The following ZNF385D variants were observed in gnomAD, a reference collection of about 807,000 sequenced individuals.
The protein encoded by ZNF385D is zinc finger protein 385D.
A neutral mutation model predicts 35.8 loss-of-function variants in ZNF385D; 15 were observed. That is an observed-to-expected ratio of 0.42 (90% confidence interval 0.28 to 0.64). ZNF385D has a LOEUF of 0.64. Among genes scored for constraint, ZNF385D ranks in the 30% least tolerant of loss-of-function variants. The pLI is 0.23. For missense variants in ZNF385D, 474 were observed against 494.6 expected, an observed-to-expected ratio of 0.96 and a Z score of 0.39; for synonymous variants, 212 against 186.8, an observed-to-expected ratio of 1.13 and a Z score of -1.10.
intron 3 of ZNF385D, among the ~76,000 whole-genome samples, chr3:22,048,807 T>C (rs1443103224): frequency 2.6e-5 from 4 of 152,182 alleles, no homozygotes; most frequent in African/African-American, 9.7e-5. Flanking sequence ...TTGATAGTGA[T>C]TGCATGGAAT....
In ZNF385D at chr3:21,982,158, G is replaced by A. The variant is rs1694498697; in HGVS notation, c.325+186659C>T. Reference sequence around the variant, plus strand: ...AGTAGCCCTGAATTTGTAAATTGCTGTGGGCAGTATAGCCATTTTAATTAT... The same window carrying A: ...AGTAGCCCTGAATTTGTAAATTGCTATGGGCAGTATAGCCATTTTAATTAT... On this transcript the variant is annotated intron_variant, in intron 3 of 5. Transcript: ENST00000494108. Among the ~76,000 whole-genome samples, 4 of 148,608 alleles carry A rather than the reference G, an allele frequency of 2.7e-5. No homozygotes were observed. The South Asian group carries it at 8.5e-4, about 31-fold the overall frequency.
intron 3 of ZNF385D, among the ~76,000 whole-genome samples, chr3:21,854,735 G>C (rs1696610918): frequency 6.6e-6 from 1 of 151,806 alleles, no homozygotes; most frequent in South Asian, 2.1e-4. Flanking sequence ...CCCAGGGTCT[G>C]TCATAACTTT....
At chr3:21,719,305 T>A (rs1373418704) in intron 1 of ZNF385D, among the ~76,000 whole-genome samples, 1 of 152,114 alleles carries the variant, frequency 6.6e-6, no homozygotes, top group Non-Finnish European at 1.5e-5. Context: ...GTAAGAAGTG[T>A]CATATTGTTA....
At chr3:22,024,848 C>G (rs191834430) in intron 3 of ZNF385D, among the ~76,000 whole-genome samples, 1 of 152,160 alleles carries the variant, frequency 6.6e-6, no homozygotes, top group Non-Finnish European at 1.5e-5. Context: ...CTCAGGGATT[C>G]TGTCTCCCAG....
At chr3:21,997,867 G>A (rs1439625364) in intron 3 of ZNF385D, among the ~76,000 whole-genome samples, 2 of 46,432 alleles carry the variant, frequency 4.3e-5, no homozygotes, top group Admixed American at 1.7e-4. Context: ...GCGCGCGCGC[G>A]CGCGCGTGTG....
chr3:21,788,200 C>T lies in ZNF385D; in HGVS notation c.326-123172G>A, dbSNP rs550377123. 3.1e-3 allele frequency among the ~76,000 whole-genome samples: 477 copies of T among 152,218 alleles called. 2 individuals carry two copies. The highest frequency in any genetic ancestry group is 4.2e-3 in the Non-Finnish European group (289 of 68,002). On this transcript the variant is annotated intron_variant, in intron 3 of 5. Transcript: ENST00000494108. Reference sequence around the variant, plus strand: ...GAAATAGAAAGATAGTAAGATGGGGCGGGCGCAGTGGCTCACGCCTGTTAT... The same window carrying T: ...GAAATAGAAAGATAGTAAGATGGGGTGGGCGCAGTGGCTCACGCCTGTTAT...
chr3:21,693,621 A>G (rs981807674), intron 1 of ZNF385D, among the ~76,000 whole-genome samples: 2 of 152,172 alleles, frequency 1.3e-5, no homozygotes, highest in African/African-American at 4.8e-5. Context: ...GAATCATGCT[A>G]AAATTCATAA....
chr3:21,883,050 A>G (rs1698359403), intron 3 of ZNF385D, among the ~76,000 whole-genome samples: 2 of 151,998 alleles, frequency 1.3e-5, no homozygotes. Context: ...TGGAGGTGAC[A>G]GATTTATGCT....
intron 2 of ZNF385D, among the ~76,000 whole-genome samples, chr3:22,206,132 A>C (rs183110191): frequency 6.6e-6 from 1 of 152,192 alleles, no homozygotes. Context: ...GAACAGCTAT[A>C]CTTACATCAG....
chr3:22,042,050 C>T (rs1488026101), intron 3 of ZNF385D, among the ~76,000 whole-genome samples: 3 of 152,054 alleles, frequency 2.0e-5, no homozygotes, highest in East Asian at 1.9e-4. Context: ...TGTTAATTAG[C>T]GGGTAGGTAA....
At chr3:21,820,501 T>TA (rs1326715074) in intron 3 of ZNF385D, among the ~76,000 whole-genome samples, 1 of 151,764 alleles carries the variant, frequency 6.6e-6, no homozygotes, top group Admixed American at 6.6e-5. Flanking sequence ...GCTTGTATTT[T>TA]AAAAAACTAA....
intron 2 of ZNF385D, among the ~76,000 whole-genome samples, chr3:22,201,363 C>T (rs566070945): frequency 5.7e-4 from 87 of 151,956 alleles, no homozygotes; most frequent in Non-Finnish European, 1.1e-3. Context: ...CTTCTGTAAC[C>T]ATAAAAAGTT....
At chr3:22,087,944 A>G (rs1004335462) in intron 3 of ZNF385D, among the ~76,000 whole-genome samples, 2 of 152,170 alleles carry the variant, frequency 1.3e-5, no homozygotes, top group African/African-American at 2.4e-5. Flanking sequence ...ATTTTCTGCC[A>G]GTGTCATTTA....
At position 21,512,638 on chromosome 3, in the gene ZNF385D, T is replaced by C. The variant is rs375879632; in HGVS notation, c.277-1615A>G. Reference sequence around the variant, plus strand: ...CACACTCATGCATCAGTTACAAGTTTTCCAACAACACATAACATCAAAAGA... The same window carrying C: ...CACACTCATGCATCAGTTACAAGTTCTCCAACAACACATAACATCAAAAGA... On this transcript the variant is annotated intron_variant, in intron 3 of 7. Transcript: ENST00000281523. Among the ~76,000 whole-genome samples the C allele has an allele frequency of 3.4e-4, 52 of 152,300 alleles. No individual in the cohort carries two copies. In the South Asian group the frequency reaches 4.4e-3, roughly 13 times the overall value.
chr3:21,469,582 G>T lies in ZNF385D; in HGVS notation c.440-32379C>A, dbSNP rs149469273. On this transcript the variant is annotated intron_variant, in intron 4 of 7. Transcript: ENST00000281523. ...TATATCAGACAAAAGAATACATTTAGGTTTATACTCTGGGAAAAGTTTTTA... is the reference window on the plus strand; with the variant it reads ...TATATCAGACAAAAGAATACATTTATGTTTATACTCTGGGAAAAGTTTTTA... 2.3e-3 allele frequency among the ~76,000 whole-genome samples: 345 copies of T among 152,098 alleles called. 4 individuals carry two copies. Among genetic ancestry groups the T allele is most frequent in the African/African-American group, 8.0e-3 (333 of 41,498 alleles).
chr3:22,269,221 A>AT lies in ZNF385D; in HGVS notation c.107-100187dup, dbSNP rs796416372. On this transcript the variant is annotated intron_variant, in intron 2 of 5. Coordinates refer to the ZNF385D transcript ENST00000494108. The stretch of plus-strand genomic sequence containing the variant: ...CCCAGCACTAATCATTGTCTAACAT[A>AT]TAGTTGGGAAATGTAAAATGAATGA... 1.6e-4 allele frequency among the ~76,000 whole-genome samples: 24 copies of AT among 152,106 alleles called. 1 individual carries two copies. The highest frequency in any genetic ancestry group is 5.8e-4 in the African/African-American group (24 of 41,560).
chr3:21,606,402 A>G (rs952069317), intron 2 of ZNF385D, among the ~76,000 whole-genome samples: 3 of 152,284 alleles, frequency 2.0e-5, no homozygotes, highest in Middle Eastern at 3.4e-3. Context: ...TCTTTTTCTT[A>G]TTAGTGCCCT....
At chr3:21,857,491 G>A (rs1257945290) in intron 3 of ZNF385D, among the ~76,000 whole-genome samples, 4 of 151,970 alleles carry the variant, frequency 2.6e-5, no homozygotes, top group Non-Finnish European at 5.9e-5. Flanking sequence ...TGGAATTAAG[G>A]AAATTAACAA....
intron 3 of ZNF385D, among the ~76,000 whole-genome samples, chr3:21,825,578 T>C (rs1694553978): frequency 1.3e-5 from 2 of 152,202 alleles, no homozygotes; most frequent in Admixed American, 1.3e-4. Flanking sequence ...TCTGCATTCT[T>C]CATTTCATTG....
Sources: allele counts gnomAD v4.1 joint callset (sites outside exome capture counted in the v4.1 genomes callset), GRCh38; gene constraint gnomAD v4.1.1; transcripts MANE v1.5; gene names NCBI Gene and HGNC (gene_info 2026-07-23, HGNC 2026-07-21).